The following PMAIP1 variants were observed in gnomAD, a reference collection of about 807,000 sequenced individuals.
PMAIP1 encodes PMA-induced protein 1.
PMAIP1 carries 3 observed loss-of-function variants against 3.7 expected under a neutral mutation model. That is an observed-to-expected ratio of 0.82 (90% CI 0.37 to 2.12). The LOEUF (loss-of-function observed/expected upper bound fraction) is 2.12, where lower values mean the gene tolerates loss of function less well. PMAIP1 is among the 30% of genes most tolerant of loss of function. The pLI is 0.06. For missense variants in PMAIP1, 77 were observed against 67.1 expected (o/e 1.15, Z -0.52); for synonymous variants, 29 against 26.2 (o/e 1.11, Z -0.32).
At chr18:59,901,333 C>A (rs1250220723) in intron 1 of PMAIP1, among the ~76,000 whole-genome samples, 1 of 152,184 alleles carries the variant, frequency 6.6e-6, no homozygotes, top group Non-Finnish European at 1.5e-5. Flanking sequence ...AAAGGGATAA[C>A]TTTTCCACTT....
In PMAIP1 at chr18:59,900,167, C is replaced by A; in HGVS notation, c.-11C>A. ...GGCTCTGTAGCTGAGTGGGCGGCGG[C>A]ACCGGCGGAGATGCCTGGGAAGAAG... On this transcript the variant is annotated 5_prime_UTR_variant, in exon 1 of 2. Transcript: ENST00000316660. 1.3e-6 allele frequency: 2 copies of A among 1,557,360 alleles called. No individual in the cohort carries two copies. Among genetic ancestry groups the A allele is most frequent in the Admixed American group, 1.9e-5 (1 of 51,760 alleles).
chr18:59,900,782 TTTCA>T, intron 1 of PMAIP1: 13 of 578,742 alleles, frequency 2.2e-5, no homozygotes, highest in East Asian at 5.8e-5. Flanking sequence ...CGCTCCTTTT[TTTCA>T]TTCATTCATT....
chr18:59,902,405 C>A (rs145123835), intron 1 of PMAIP1, among the ~76,000 whole-genome samples: 2 of 152,144 alleles, frequency 1.3e-5, no homozygotes, highest in South Asian at 4.1e-4. Context: ...ATCCAGGATG[C>A]GTTTTTTAAA....
Position 59,903,000 on chromosome 18 carries a change from G to A in PMAIP1, c.*247G>A. ...TGTTTATTTTAAAGCAAGAATGGAA[G>A]ACCCTTGAAAATAAAGAAGTAATTA... On this transcript the variant is annotated 3_prime_UTR_variant, in exon 2 of 2. Coordinates refer to ENST00000316660, the MANE Select transcript of PMAIP1 (RefSeq NM_021127.3). 1 of 625,634 alleles carries A rather than the reference G, an allele frequency of 1.6e-6. No homozygotes were observed. Among genetic ancestry groups the A allele is most frequent in the Non-Finnish European group, 2.8e-6 (1 of 354,134 alleles). The allele number at this position is 625,634 out of a possible 1,614,324, so 38.8% of individuals were successfully genotyped here.
At position 59,903,516 on chromosome 18, in the gene PMAIP1, G is replaced by A. The variant is rs2055788476; in HGVS notation, c.*763G>A. The A allele has an allele frequency of 6.6e-6, 1 of 152,148 alleles. No homozygotes were observed. The highest frequency in any genetic ancestry group is 1.5e-5 in the Non-Finnish European group (1 of 68,012). 9.4% of individuals were successfully genotyped at this position (152,148 alleles called of 1,614,324 possible). A position where few individuals can be genotyped will look rare whatever the true frequency, so the allele number is the denominator to read the frequency against. On this transcript the variant is annotated 3_prime_UTR_variant, in exon 2 of 2. Coordinates refer to ENST00000316660, the MANE Select transcript of PMAIP1 (RefSeq NM_021127.3). ...TATAATAAAAGAACATGGGGATTTT[G>A]TATAACCAGGGATAATAAAAAGAAA...
Position 59,900,165 on chromosome 18 carries a change from G to C in PMAIP1, c.-13G>C. ...CGGGCTCTGTAGCTGAGTGGGCGGC[G>C]GCACCGGCGGAGATGCCTGGGAAGA... On this transcript the variant is annotated 5_prime_UTR_variant, in exon 1 of 2. Transcript: ENST00000316660. 6.4e-7 allele frequency: 1 copy of C among 1,556,982 alleles called. No individual in the cohort carries two copies. Among genetic ancestry groups the C allele is most frequent in the Non-Finnish European group, 8.7e-7 (1 of 1,155,108 alleles).
chr18:59,901,648 T>C (rs2055770893), intron 1 of PMAIP1, among the ~76,000 whole-genome samples: 1 of 152,320 alleles, frequency 6.6e-6, no homozygotes. Context: ...ATTTTCAGGG[T>C]CGATTTATAA....
chr18:59,902,728 C>A lies in PMAIP1; in HGVS notation c.140C>A (p.Ser47Tyr), dbSNP rs1484926675. ...CGGCAGAAACTTCTGAATCTGATAT[C>A]CAAACTCTTCTGCTCAGGAACCTGA... ...NFRQKLLNLI[S>Y]KLFCSGT The change falls in exon 2 of 2, where the codon TCC becomes TAC. Residue 47 changes from serine to tyrosine, a missense_variant. Ser to Tyr is a moderately radical substitution (Grantham distance 144, BLOSUM62 -2). Transcript: ENST00000316660. 1 of 1,614,122 alleles carries A rather than the reference C, an allele frequency of 6.2e-7. No homozygotes were observed. The highest frequency in any genetic ancestry group is 8.5e-7 in the Non-Finnish European group (1 of 1,179,954).
chr18:59,901,307 T>A (rs2055767142), intron 1 of PMAIP1, among the ~76,000 whole-genome samples: 1 of 152,258 alleles, frequency 6.6e-6, no homozygotes, highest in South Asian at 2.1e-4. Context: ...CTGCCTTGTT[T>A]TCTACATTTT....
chr18:59,900,514 C>G (rs749585250), intron 1 of PMAIP1: 2 of 1,550,426 alleles, frequency 1.3e-6, no homozygotes, highest in African/African-American at 2.7e-5. Context: ...CAAAAAGCTC[C>G]TTTCCTCCTC....
intron 1 of PMAIP1, chr18:59,900,623 G>C: frequency 6.5e-7 from 1 of 1,543,684 alleles, no homozygotes; most frequent in African/African-American, 1.4e-5. Flanking sequence ...CGGCAGAAGG[G>C]GCAGGAGAGA....
chr18:59,900,122 G>T lies in PMAIP1; in HGVS notation c.-56G>T, dbSNP rs997409478. On this transcript the variant is annotated 5_prime_UTR_variant, in exon 1 of 2. Coordinates refer to ENST00000316660, the MANE Select transcript of PMAIP1 (RefSeq NM_021127.3). Reference sequence around the variant, plus strand: ...TCCTGCAGCTGTCCGAGGTGCTCCAGTTGGAGGCTGAGGTTCCCGGGCTCT... The same window carrying T: ...TCCTGCAGCTGTCCGAGGTGCTCCATTTGGAGGCTGAGGTTCCCGGGCTCT... 2.0e-6 allele frequency: 3 copies of T among 1,530,046 alleles called. No individual in the cohort carries two copies. The highest frequency in any genetic ancestry group is 1.4e-5 in the African/African-American group (1 of 73,238). 94.8% of individuals were successfully genotyped at this position (1,530,046 alleles called of 1,614,324 possible).
chr18:59,901,939 T>C (rs2143562060), intron 1 of PMAIP1, among the ~76,000 whole-genome samples: 1 of 152,334 alleles, frequency 6.6e-6, no homozygotes, highest in Non-Finnish European at 1.5e-5. Context: ...GCTCCTCTCA[T>C]TTCCATAAAG....
Position 59,902,801 on chromosome 18 carries a change from A to G in PMAIP1, c.*48A>G, listed in dbSNP as rs1466389045. 13 of 1,613,742 alleles carry G rather than the reference A, an allele frequency of 8.1e-6. No individual in the cohort carries two copies. The highest frequency in any genetic ancestry group is 5.9e-6 in the Non-Finnish European group (7 of 1,179,846). On this transcript the variant is annotated 3_prime_UTR_variant, in exon 2 of 2. Transcript: ENST00000316660. ...GGGACTCCTTCAAAAGAGTTTTCTC[A>G]GGAGGTGCACGTTTCATCAATTTGA...
At position 59,900,211 on chromosome 18, in the gene PMAIP1, C is replaced by T. The variant is rs1256397073; in HGVS notation, c.34C>T (p.Pro12Ser). The part of the protein sequence containing the change: ...PGKKARKNAQ[P>S]SPARAPAELE... ...GAAGAAGGCGCGCAAGAACGCTCAACCGAGCCCCGCGCGGGCTCCAGCAGG... is the reference window on the plus strand; with the variant it reads ...GAAGAAGGCGCGCAAGAACGCTCAATCGAGCCCCGCGCGGGCTCCAGCAGG... The change falls in exon 1 of 2, where the codon CCG becomes TCG. Residue 12 changes from proline to serine, a missense_variant. Coordinates refer to ENST00000316660, the MANE Select transcript of PMAIP1 (RefSeq NM_021127.3). 4.5e-6 allele frequency: 7 copies of T among 1,554,822 alleles called. No homozygotes were observed. Among genetic ancestry groups the T allele is most frequent in the Non-Finnish European group, 6.1e-6 (7 of 1,152,726 alleles).
At position 59,902,915 on chromosome 18, in the gene PMAIP1, T is replaced by G. The variant is rs2055783740; in HGVS notation, c.*162T>G. The G allele has an allele frequency of 8.5e-7, 1 of 1,170,574 alleles. No homozygotes were observed. Among genetic ancestry groups the G allele is most frequent in the African/African-American group, 1.5e-5 (1 of 65,310 alleles). The allele number at this position is 1,170,574 out of a possible 1,614,324, so 72.5% of individuals were successfully genotyped here. Reference sequence around the variant, plus strand: ...AAGATGGAATACATCAAAGTGAATTTCTGTTCAAGTTTTCCCAGATTATCA... The same window carrying G: ...AAGATGGAATACATCAAAGTGAATTGCTGTTCAAGTTTTCCCAGATTATCA... On this transcript the variant is annotated 3_prime_UTR_variant, in exon 2 of 2. Coordinates refer to ENST00000316660, the MANE Select transcript of PMAIP1 (RefSeq NM_021127.3).
rs754253425 is a variant in PMAIP1, at chr18:59,902,683, T to C, written c.95T>C (p.Phe32Ser). 6.2e-7 allele frequency: 1 copy of C among 1,614,192 alleles called. No homozygotes were observed. Among genetic ancestry groups the C allele is most frequent in the Non-Finnish European group, 8.5e-7 (1 of 1,180,034 alleles). ...EVECATQLRR[F>S]GDKLNFRQKL... The stretch of plus-strand genomic sequence containing the variant: ...GAGTGTGCTACTCAACTCAGGAGAT[T>C]TGGAGACAAACTGAACTTCCGGCAG... The change falls in exon 2 of 2, where the codon TTT (phenylalanine) becomes TCT (serine). Residue 32 changes from phenylalanine (F) to serine (S), a missense_variant. Coordinates refer to ENST00000316660, the MANE Select transcript of PMAIP1 (RefSeq NM_021127.3).
In PMAIP1 at chr18:59,900,105, C is replaced by A. The variant is rs901675939; in HGVS notation, c.-73C>A. 3 of 1,481,598 alleles carry A rather than the reference C, an allele frequency of 2.0e-6. No individual in the cohort carries two copies. The highest frequency in any genetic ancestry group is 2.8e-5 in the African/African-American group (2 of 72,030). 91.8% of individuals were successfully genotyped at this position (1,481,598 alleles called of 1,614,324 possible). On this transcript the variant is annotated 5_prime_UTR_variant, in exon 1 of 2. In the 5' UTR this introduces an upstream ATG that the reference lacks. Transcript: ENST00000316660. ...TTCGTGTTCAGCTCGCGTCCTGCAG[C>A]TGTCCGAGGTGCTCCAGTTGGAGGC...
At position 59,902,851 on chromosome 18, in the gene PMAIP1, G is replaced by A. The variant is rs760850088; in HGVS notation, c.*98G>A. On this transcript the variant is annotated 3_prime_UTR_variant, in exon 2 of 2. Transcript: ENST00000316660. Reference sequence around the variant, plus strand: ...AAGAAAGACTGCATTGTAATTGAGAGGAATGTGAAGGTGCATTCATGGGTG... The same window carrying A: ...AAGAAAGACTGCATTGTAATTGAGAAGAATGTGAAGGTGCATTCATGGGTG... The A allele has an allele frequency of 1.9e-6, 3 of 1,583,550 alleles. No homozygotes were observed. Among genetic ancestry groups the A allele is most frequent in the South Asian group, 2.3e-5 (2 of 88,346 alleles).
Sources: allele counts gnomAD v4.1 joint callset (sites outside exome capture counted in the v4.1 genomes callset), GRCh38; gene constraint gnomAD v4.1.1; transcripts MANE v1.5; gene names NCBI Gene and HGNC (gene_info 2026-07-23, HGNC 2026-07-21).